OSBPL6: variants seen among roughly 807,000 people sequenced by gnomAD.
OSBPL6 encodes oxysterol binding protein like 6.
In OSBPL6, 49 loss-of-function variants were observed where a neutral mutation model predicts 125.8. That is an observed-to-expected ratio of 0.39 (90% CI 0.31 to 0.49). The LOEUF is 0.49. Ranked by LOEUF, OSBPL6 falls within the 20% of genes least tolerant of loss-of-function variation. The pLI is 0.88. For missense variants in OSBPL6, 986 were observed against 1,135.4 expected (o/e 0.87, Z 1.89); for synonymous variants, 394 against 391.8 (o/e 1.01, Z -0.07).
rs568624900 is a variant in OSBPL6 at position 178,399,419 on chromosome 2, A to G, written c.*3860A>G. The G allele has an allele frequency of 1.3e-5, 2 of 152,372 alleles. No homozygotes were observed. Among genetic ancestry groups the G allele is most frequent in the African/African-American group, 2.4e-5 (1 of 41,596 alleles). 9.4% of individuals were successfully genotyped at this position (152,372 alleles called of 1,614,324 possible). A position where few individuals can be genotyped will look rare whatever the true frequency, so the allele number is the denominator to read the frequency against. ...GTTAAACTAAACCTTTGTTTAATAC[A>G]TAATTGTAAGAGCATATATTTGTTA... On this transcript the variant is annotated 3_prime_UTR_variant, in exon 25 of 25. Coordinates refer to ENST00000190611, the MANE Select transcript of OSBPL6 (RefSeq NM_032523.4).
chr2:178,339,514 A>G (rs1172912099), intron 10 of OSBPL6, among the ~76,000 whole-genome samples, 158 bp from the exon 11 acceptor site: 1 of 152,188 alleles, frequency 6.6e-6, no homozygotes, highest in East Asian at 1.9e-4. Context: ...TCTGCTTTTT[A>G]ATGCCCACTA....
rs1319590062 is a variant in OSBPL6 at position 178,385,656 on chromosome 2, C to T, written c.2077+135C>T. 7 of 667,848 alleles carry T rather than the reference C, an allele frequency of 1.0e-5. No homozygotes were observed. The Admixed American group carries it at 1.8e-4, about 17-fold the overall frequency. The allele number at this position is 667,848 out of a possible 1,614,324, so 41.4% of individuals were successfully genotyped here. On this transcript the variant is annotated intron_variant, in intron 19 of 24. Coordinates refer to ENST00000190611, the MANE Select transcript of OSBPL6 (RefSeq NM_032523.4). ...AAATGTTAGTAATTGGTGCAGAGCT[C>T]ATTTTGAGAAATCAAAATTCCTGGT...
chr2:178,316,552 G>A (rs1034881046), intron 3 of OSBPL6, among the ~76,000 whole-genome samples: 5 of 152,226 alleles, frequency 3.3e-5, no homozygotes, highest in African/African-American at 7.2e-5. Context: ...TTCCAGATCC[G>A]TGGATTGAAC....
chr2:178,256,242 A>G (rs1399767848), intron 1 of OSBPL6, among the ~76,000 whole-genome samples: 2 of 152,242 alleles, frequency 1.3e-5, no homozygotes, highest in African/African-American at 2.4e-5. Context: ...AGGACATGTT[A>G]GACTGTAAGG....
intron 1 of OSBPL6, among the ~76,000 whole-genome samples, chr2:178,244,860 T>A (rs1443597922): frequency 6.6e-6 from 1 of 152,188 alleles, no homozygotes; most frequent in African/African-American, 2.4e-5. Context: ...CCTGCTTTGG[T>A]AATGGGAAAA....
At chr2:178,333,923 T>C (rs1255148976) in intron 8 of OSBPL6, among the ~76,000 whole-genome samples, 4 of 152,198 alleles carry the variant, frequency 2.6e-5, no homozygotes, top group African/African-American at 9.7e-5. Flanking sequence ...GTAAAAAATT[T>C]GTCCAGAAGT....
intron 9 of OSBPL6, among the ~76,000 whole-genome samples, chr2:178,338,074 T>TG (rs1689859244): frequency 6.6e-6 from 1 of 151,972 alleles, no homozygotes; most frequent in African/African-American, 2.4e-5. Flanking sequence ...TCTGAGTAGC[T>TG]GGGATTACAG....
intron 3 of OSBPL6, among the ~76,000 whole-genome samples, chr2:178,321,195 T>C (rs1688212841): frequency 6.6e-6 from 1 of 152,218 alleles, no homozygotes; most frequent in South Asian, 2.1e-4. Flanking sequence ...AGGTAATTGA[T>C]TGCTGAAGGA....
At chr2:178,380,368 T>C (rs1238876680) in intron 15 of OSBPL6, among the ~76,000 whole-genome samples, 2 of 149,074 alleles carry the variant, frequency 1.3e-5, no homozygotes, top group Non-Finnish European at 3.0e-5. Context: ...GGAAGATCCC[T>C]TGAGCCCAGG....
At chr2:178,263,262 T>C (rs1410095836) in intron 1 of OSBPL6, among the ~76,000 whole-genome samples, 1 of 152,190 alleles carries the variant, frequency 6.6e-6, no homozygotes, top group Non-Finnish European at 1.5e-5. Flanking sequence ...GCGGATCAGC[T>C]GAGGTCAGGA....
chr2:178,307,678 C>T (rs1466209346), intron 3 of OSBPL6, among the ~76,000 whole-genome samples: 1 of 151,990 alleles, frequency 6.6e-6, no homozygotes, highest in Non-Finnish European at 1.5e-5. Context: ...TTTGCCTGCC[C>T]TGCTGTTCTT....
At chr2:178,288,779 G>A (rs1043622916) in intron 2 of OSBPL6, among the ~76,000 whole-genome samples, 2 of 151,762 alleles carry the variant, frequency 1.3e-5, no homozygotes, top group African/African-American at 2.4e-5. Flanking sequence ...CTCCCAAGTA[G>A]TTGGGATTAC....
chr2:178,228,321 G>A (rs1420603587), intron 1 of OSBPL6, among the ~76,000 whole-genome samples: 2 of 152,290 alleles, frequency 1.3e-5, no homozygotes, highest in East Asian at 1.9e-4. Context: ...ATATCATGAG[G>A]TCAGGAGATC....
chr2:178,227,455 A>G (rs2090610824), intron 1 of OSBPL6, among the ~76,000 whole-genome samples: 1 of 152,234 alleles, frequency 6.6e-6, no homozygotes, highest in African/African-American at 2.4e-5. Context: ...TCAGGTTTAC[A>G]TATAAAATAA....
At chr2:178,274,562 AC>A (rs1377781787) in intron 1 of OSBPL6, among the ~76,000 whole-genome samples, 4 of 152,162 alleles carry the variant, frequency 2.6e-5, no homozygotes, top group Admixed American at 2.0e-4. Context: ...CTGGCAATTG[AC>A]TGAGCCAGGG....
chr2:178,318,885 A>G (rs1687998381), intron 3 of OSBPL6, among the ~76,000 whole-genome samples: 1 of 152,188 alleles, frequency 6.6e-6, no homozygotes, highest in Admixed American at 6.5e-5. Context: ...TATTCCTGTA[A>G]TGTTTATAAC....
At chr2:178,223,372 G>C (rs1044193959) in intron 1 of OSBPL6, among the ~76,000 whole-genome samples, 53 of 152,060 alleles carry the variant, frequency 3.5e-4, no homozygotes, top group African/African-American at 1.2e-3. Flanking sequence ...TTTTGTGAGA[G>C]CATAATGTAT....
At chr2:178,281,605 T>G (rs1269484765) in intron 1 of OSBPL6, among the ~76,000 whole-genome samples, 1 of 152,204 alleles carries the variant, frequency 6.6e-6, no homozygotes, top group Non-Finnish European at 1.5e-5. Flanking sequence ...TTTTCTATGC[T>G]GTCCCATTGG....
chr2:178,392,901 A>G (rs1695540359), intron 23 of OSBPL6, among the ~76,000 whole-genome samples: 1 of 149,416 alleles, frequency 6.7e-6, no homozygotes, highest in Non-Finnish European at 1.5e-5. Context: ...TTGGGGCTTT[A>G]GAGGTCATTG....
Sources: gnomAD v4.1 joint callset for allele counts (sites outside exome capture counted in the v4.1 genomes callset) on GRCh38, gnomAD v4.1.1 for gene constraint, MANE v1.5 for transcripts, NCBI Gene and HGNC (gene_info 2026-07-23, HGNC 2026-07-21) for gene names.